RBFOX1: variants seen among roughly 807,000 people sequenced by gnomAD.
RBFOX1 encodes RNA binding fox-1 homolog 1.
RBFOX1 carries 8 observed loss-of-function variants against 57.7 expected under a neutral mutation model. The observed-to-expected ratio is 0.14, with a 90% confidence interval of 0.08 to 0.25. The LOEUF is 0.25. RBFOX1 is among the 10% of genes least tolerant of loss of function. RBFOX1 has a pLI of 1.00. For missense variants in RBFOX1, 611 were observed against 548.5 expected (o/e 1.11, Z -1.14); for synonymous variants, 326 against 222.4 (o/e 1.47, Z -4.15).
At chr16:6,884,864 C>T (rs1290490755) in intron 3 of RBFOX1, among the ~76,000 whole-genome samples, 2 of 152,198 alleles carry the variant, frequency 1.3e-5, no homozygotes, top group Non-Finnish European at 2.9e-5. Flanking sequence ...CTCCACTGCA[C>T]TCCAGCCTGC....
intron 4 of RBFOX1, among the ~76,000 whole-genome samples, chr16:7,421,476 T>G (rs565849301): frequency 3.3e-5 from 5 of 152,362 alleles, no homozygotes; most frequent in South Asian, 2.1e-4. Flanking sequence ...TTGGTGAGAT[T>G]AGCTTTGGCA....
At chr16:6,957,739 A>C (rs975009965) in intron 3 of RBFOX1, among the ~76,000 whole-genome samples, 10 of 152,108 alleles carry the variant, frequency 6.6e-5, no homozygotes. Context: ...CCCCTATTGA[A>C]GATGGAGTTG....
At chr16:6,130,810 A>G (rs932587457) in intron 1 of RBFOX1, among the ~76,000 whole-genome samples, 3 of 152,196 alleles carry the variant, frequency 2.0e-5, no homozygotes, top group Non-Finnish European at 4.4e-5. Flanking sequence ...TGGTTAATTC[A>G]TGAGGAAGAT....
At chr16:6,548,914 A>G (rs2096932200) in intron 2 of RBFOX1, among the ~76,000 whole-genome samples, 2 of 151,564 alleles carry the variant, frequency 1.3e-5, no homozygotes, top group Admixed American at 6.6e-5. Flanking sequence ...CATCTCTACT[A>G]AAAGTACAAA....
At chr16:5,344,449 C>G (rs1343518664) in intron 1 of RBFOX1, among the ~76,000 whole-genome samples, 2 of 152,204 alleles carry the variant, frequency 1.3e-5, no homozygotes, top group African/African-American at 4.8e-5. Context: ...GAATTACACT[C>G]ACTGGATGCT....
intron 3 of RBFOX1, among the ~76,000 whole-genome samples, chr16:6,673,084 G>C (rs953968022): frequency 2.6e-5 from 4 of 152,202 alleles, no homozygotes; most frequent in Non-Finnish European, 4.4e-5. Flanking sequence ...TTGGAATAGA[G>C]ATTGGTCACG....
At chr16:5,361,868 C>T (rs2065561353) in intron 1 of RBFOX1, among the ~76,000 whole-genome samples, 1 of 152,228 alleles carries the variant, frequency 6.6e-6, no homozygotes, top group African/African-American at 2.4e-5. Flanking sequence ...GGCCTCTTTA[C>T]AGCCTGCTGC....
intron 2 of RBFOX1, among the ~76,000 whole-genome samples, chr16:6,562,848 C>G (rs1014327738): frequency 2.5e-5 from 1 of 40,584 alleles, no homozygotes. Context: ...TTCTTTCTTT[C>G]TTTCTTTCTT....
intron 3 of RBFOX1, among the ~76,000 whole-genome samples, chr16:5,814,407 C>A (rs1022683768): frequency 6.6e-6 from 1 of 152,178 alleles, no homozygotes; most frequent in African/African-American, 2.4e-5. Flanking sequence ...TTTCCCTCTT[C>A]CGAAGAATTA....
rs145331942 is a variant in RBFOX1 at position 6,635,761 on chromosome 16, A to C, written c.-63-18842A>C. Reference sequence around the variant, plus strand: ...AATTTATTTTTATTTATTTTACCCAACATAAACTATTTTGATGCACTTGAC... The same window carrying C: ...AATTTATTTTTATTTATTTTACCCACCATAAACTATTTTGATGCACTTGAC... On this transcript the variant is annotated intron_variant, in intron 2 of 15. Transcript: ENST00000550418. Among the ~76,000 whole-genome samples, 351 of 152,280 alleles carry C rather than the reference A, an allele frequency of 2.3e-3. 5 individuals carry two copies. Among genetic ancestry groups the C allele is most frequent in the African/African-American group, 7.8e-3 (323 of 41,554 alleles).
At chr16:6,431,940 T>G (rs559222840) in intron 2 of RBFOX1, among the ~76,000 whole-genome samples, 4 of 151,388 alleles carry the variant, frequency 2.6e-5, no homozygotes, top group South Asian at 2.1e-4. Flanking sequence ...TTTCTTTCTT[T>G]CTTTCTTTCT....
chr16:6,070,205 T>A (rs1233431397), intron 1 of RBFOX1, among the ~76,000 whole-genome samples: 1 of 152,206 alleles, frequency 6.6e-6, no homozygotes, highest in Non-Finnish European at 1.5e-5. Context: ...AGATATGCCA[T>A]CATCCCTGGG....
intron 1 of RBFOX1, among the ~76,000 whole-genome samples, chr16:6,057,590 C>G (rs1352293419): frequency 6.6e-6 from 1 of 151,980 alleles, no homozygotes; most frequent in Admixed American, 6.6e-5. Flanking sequence ...AAAAAAAGAC[C>G]AAAGACACTG....
chr16:6,119,927 A>G (rs969168509), intron 1 of RBFOX1, among the ~76,000 whole-genome samples: 1 of 152,230 alleles, frequency 6.6e-6, no homozygotes, highest in Non-Finnish European at 1.5e-5. Flanking sequence ...TCCAGTAAGC[A>G]GTCACTCTTA....
chr16:7,408,304 G>A (rs530092507), intron 4 of RBFOX1, among the ~76,000 whole-genome samples: 1 of 152,118 alleles, frequency 6.6e-6, no homozygotes, highest in Non-Finnish European at 1.5e-5. Flanking sequence ...GTGACTTGTA[G>A]ATGACAATAC....
chr16:6,070,508 T>C (rs2095822951), intron 1 of RBFOX1, among the ~76,000 whole-genome samples: 1 of 152,198 alleles, frequency 6.6e-6, no homozygotes, highest in African/African-American at 2.4e-5. Context: ...TTCAATGAAG[T>C]CTGACAAGAA....
Position 6,078,344 on chromosome 16 carries a change from G to A in RBFOX1, c.-127+58352G>A, listed in dbSNP as rs539907605. 2.0e-5 allele frequency among the ~76,000 whole-genome samples: 3 copies of A among 152,188 alleles called. No individual in the cohort carries two copies. The South Asian group carries it at 6.2e-4, about 32-fold the overall frequency. On this transcript the variant is annotated intron_variant, in intron 1 of 15. Transcript: ENST00000550418. ...CCACAGGGTGCATGTGGCCCGGGAC[G>A]GCTTTGAATGTTGTCCAACAATAAT...
chr16:6,011,746 G>C (rs938507189), intron 4 of RBFOX1, among the ~76,000 whole-genome samples: 2 of 152,166 alleles, frequency 1.3e-5, no homozygotes, highest in Non-Finnish European at 2.9e-5. Context: ...GAGCAAAGCT[G>C]GTGACCACTT....
intron 14 of RBFOX1, among the ~76,000 whole-genome samples, chr16:7,707,387 A>C (rs1169018981): frequency 2.0e-5 from 3 of 152,150 alleles, no homozygotes; most frequent in Non-Finnish European, 4.4e-5. Flanking sequence ...GCTTGGAAGG[A>C]AAATGGGGGG....
Sources: allele counts gnomAD v4.1 joint callset (sites outside exome capture counted in the v4.1 genomes callset), GRCh38; gene constraint gnomAD v4.1.1; transcripts MANE v1.5; gene names NCBI Gene and HGNC (gene_info 2026-07-23, HGNC 2026-07-21).